The following ZC3H12D variants were observed in gnomAD, a reference collection of about 807,000 sequenced individuals.
ZC3H12D encodes the protein probable ribonuclease ZC3H12D.
ZC3H12D carries 11 observed loss-of-function variants against 24.2 expected under a neutral mutation model. The ratio of observed to expected loss-of-function variants is 0.46; its 90% CI spans 0.29 to 0.75. ZC3H12D has a LOEUF of 0.75. Among genes scored for constraint, ZC3H12D ranks in the 30% least tolerant of loss-of-function variants. ZC3H12D has a pLI of 0.11. For synonymous variants in ZC3H12D, 333 were observed against 341.8 expected (o/e 0.97, Z 0.28); for missense variants, 740 against 767.7 (o/e 0.96, Z 0.43).
At chr6:149,473,862 C>T (rs1776287266) in intron 2 of ZC3H12D, among the ~76,000 whole-genome samples, 2 of 152,176 alleles carry the variant, frequency 1.3e-5, no homozygotes, top group African/African-American at 2.4e-5. Flanking sequence ...CAAGAAGCCA[C>T]ATCTGCCAAC....
At chr6:149,476,103 C>T (rs1323563077) in intron 1 of ZC3H12D, among the ~76,000 whole-genome samples, 1 of 152,218 alleles carries the variant, frequency 6.6e-6, no homozygotes, top group Non-Finnish European at 1.5e-5. Context: ...CATTTACTTG[C>T]ATGTCTAATA....
Position 149,474,231 on chromosome 6 carries a change from G to C in ZC3H12D, c.305+8C>G, listed in dbSNP as rs769608503. ...CCCAGCCCCAGCTACAGGATGAAGG[G>C]AAGCTACCTCATCGCCACGTTGCTG... On this transcript the variant is annotated splice_region_variant and intron_variant, in intron 2 of 5. Coordinates refer to ENST00000409806, the MANE Select transcript of ZC3H12D (RefSeq NM_207360.3). The C allele has an allele frequency of 6.8e-7, 1 of 1,475,160 alleles. No individual in the cohort carries two copies. The highest frequency in any genetic ancestry group is 9.1e-7 in the Non-Finnish European group (1 of 1,103,870). 91.4% of individuals were successfully genotyped at this position (1,475,160 alleles called of 1,614,324 possible). A position where few individuals can be genotyped will look rare whatever the true frequency, so the allele number is the denominator to read the frequency against.
In ZC3H12D at chr6:149,481,497, T is replaced by C. The variant is rs900553976; in HGVS notation, c.-71+3316A>G. ...ATCAACCGATTCTCCTGCCTCAGCC[T>C]CCTGAGTAGCTGGGACTACAGGCAC... On this transcript the variant is annotated intron_variant, in intron 1 of 5. Transcript: ENST00000409806. Among the ~76,000 whole-genome samples, 7 of 151,528 alleles carry C rather than the reference T, an allele frequency of 4.6e-5. 1 individual carries two copies. The highest frequency in any genetic ancestry group is 7.4e-5 in the Non-Finnish European group (5 of 67,964).
chr6:149,453,128 C>CAAAAAAAA (rs59814309), intron 4 of ZC3H12D, among the ~76,000 whole-genome samples: 1 of 106,104 alleles, frequency 9.4e-6, no homozygotes, highest in East Asian at 2.7e-4. Context: ...CTACAGAAAG[C>CAAAAAAAA]AAAAAAAAAA....
At chr6:149,475,144 A>G (rs556103776) in intron 1 of ZC3H12D, among the ~76,000 whole-genome samples, 1 of 152,272 alleles carries the variant, frequency 6.6e-6, no homozygotes, top group African/African-American at 2.4e-5. Context: ...GCAACCCTGC[A>G]GGCACCTTGA....
chr6:149,480,766 A>G (rs1371819598), intron 1 of ZC3H12D, among the ~76,000 whole-genome samples: 1 of 152,128 alleles, frequency 6.6e-6, no homozygotes, highest in African/African-American at 2.4e-5. Flanking sequence ...AACAAAAAAC[A>G]GGTGAGGAAG....
intron 2 of ZC3H12D, among the ~76,000 whole-genome samples, chr6:149,466,805 G>A (rs1220943872): frequency 6.6e-6 from 1 of 152,010 alleles, no homozygotes; most frequent in Non-Finnish European, 1.5e-5. Context: ...GAACCCGGGA[G>A]GGAGAAGTTT....
At chr6:149,475,203 C>T (rs1000827280) in intron 1 of ZC3H12D, among the ~76,000 whole-genome samples, 9 of 152,076 alleles carry the variant, frequency 5.9e-5, no homozygotes, top group Admixed American at 2.6e-4. Flanking sequence ...TTTCCCTTAA[C>T]GCCCCAGTCT....
intron 2 of ZC3H12D, among the ~76,000 whole-genome samples, chr6:149,464,634 T>C (rs1776123059): frequency 6.6e-6 from 1 of 152,192 alleles, no homozygotes. Flanking sequence ...CTCCTCTTGC[T>C]CACCACAGAA....
rs1001895020 is a variant in ZC3H12D, at chr6:149,446,921, G to A, written c.*3762C>T. 6.6e-6 allele frequency: 1 copy of A among 152,280 alleles called. No individual in the cohort carries two copies. Among genetic ancestry groups the A allele is most frequent in the South Asian group, 2.1e-4 (1 of 4,842 alleles). The allele number at this position is 152,280 out of a possible 1,614,324, so 9.4% of individuals were successfully genotyped here. A position where few individuals can be genotyped will look rare whatever the true frequency, so the allele number is the denominator to read the frequency against. ...ACCCCCTTCCAGAGGCCTCTGGGAAGGCTGCCTCAGGGCAAACCCAAGATG... is the reference window on the plus strand; with the variant it reads ...ACCCCCTTCCAGAGGCCTCTGGGAAAGCTGCCTCAGGGCAAACCCAAGATG... On this transcript the variant is annotated 3_prime_UTR_variant, in exon 6 of 6. Transcript: ENST00000409806.
At chr6:149,476,549 T>G (rs1217784418) in intron 1 of ZC3H12D, among the ~76,000 whole-genome samples, 1 of 152,104 alleles carries the variant, frequency 6.6e-6, no homozygotes, top group Non-Finnish European at 1.5e-5. Flanking sequence ...GGCTCCTGTC[T>G]GTAATCCCAA....
At position 149,461,728 on chromosome 6, in the gene ZC3H12D, T is replaced by C. The variant is rs1776075369; in HGVS notation, c.445+103A>G. ...CTTATAGCGCAGTGAGGAAGACAAATATCATTAAACAAACAACTAAGTAGA... is the reference window on the plus strand; with the variant it reads ...CTTATAGCGCAGTGAGGAAGACAAACATCATTAAACAAACAACTAAGTAGA... On this transcript the variant is annotated intron_variant, in intron 3 of 5. Transcript: ENST00000409806. 3 of 1,302,150 alleles carry C rather than the reference T, an allele frequency of 2.3e-6. 1 individual carries two copies. Among genetic ancestry groups the C allele is most frequent in the East Asian group, 5.2e-5 (2 of 38,784 alleles). The allele number at this position is 1,302,150 out of a possible 1,614,324, so 80.7% of individuals were successfully genotyped here.
intron 3 of ZC3H12D, among the ~76,000 whole-genome samples, chr6:149,460,067 G>A (rs1776047639): frequency 6.6e-6 from 1 of 152,202 alleles, no homozygotes. Context: ...AGGTGATGCT[G>A]GTGGAAACAC....
Position 149,450,550 on chromosome 6 carries a change from G to A in ZC3H12D, c.*133C>T. On this transcript the variant is annotated 3_prime_UTR_variant, in exon 6 of 6. Transcript: ENST00000409806. ...AACCCCGCTCAGGAGGAGGAAGCAG[G>A]CTTCCCTGACCATCTTTAAAGAAAA... 1.0e-6 allele frequency: 1 copy of A among 969,758 alleles called. No individual in the cohort carries two copies. Among genetic ancestry groups the A allele is most frequent in the East Asian group, 2.8e-5 (1 of 35,316 alleles). 60.1% of individuals were successfully genotyped at this position (969,758 alleles called of 1,614,324 possible).
At chr6:149,472,055 A>G (rs1277668031) in intron 2 of ZC3H12D, among the ~76,000 whole-genome samples, 3 of 152,258 alleles carry the variant, frequency 2.0e-5, no homozygotes, top group African/African-American at 7.2e-5. Flanking sequence ...TTGGGTTTCA[A>G]TCACCCATTG....
intron 4 of ZC3H12D, among the ~76,000 whole-genome samples, chr6:149,453,517 A>C (rs913428482): frequency 1.3e-5 from 2 of 152,080 alleles, no homozygotes; most frequent in African/African-American, 4.8e-5. Flanking sequence ...AGTCCCAGCT[A>C]CTGGGGAGGC....
intron 2 of ZC3H12D, among the ~76,000 whole-genome samples, chr6:149,469,329 G>T (rs1000848886): frequency 9.9e-5 from 15 of 152,146 alleles, no homozygotes; most frequent in African/African-American, 3.6e-4. Context: ...GTGGTGGCGG[G>T]CACCTGTAGT....
At chr6:149,462,067 G>C in intron 2 of ZC3H12D, 97 bp from the exon 3 acceptor site, 1 of 1,431,022 alleles carries the variant, frequency 7.0e-7, no homozygotes, top group Non-Finnish European at 9.3e-7. Context: ...ATAATCAAGA[G>C]GGAACCAGGA....
At chr6:149,474,144 C>T in intron 2 of ZC3H12D, 95 bp downstream of exon 2, 2 of 1,150,648 alleles carry the variant, frequency 1.7e-6, no homozygotes, top group African/African-American at 1.5e-5. Flanking sequence ...GGCCCCAAAG[C>T]TCTTTGGACC....
Sources: gnomAD v4.1 joint callset for allele counts (sites outside exome capture counted in the v4.1 genomes callset) on GRCh38, gnomAD v4.1.1 for gene constraint, MANE v1.5 for transcripts, NCBI Gene and HGNC (gene_info 2026-07-23, HGNC 2026-07-21) for gene names.